ZNF727: variants seen among roughly 807,000 people sequenced by gnomAD.
ZNF727 encodes the protein putative zinc finger protein 727.
In ZNF727, 11 loss-of-function variants were observed where a neutral mutation model predicts 11.5. The observed-to-expected ratio is 0.95, with a 90% CI of 0.60 to 1.58. The LOEUF is 1.58. Ranked by LOEUF, ZNF727 falls within the 40% of genes most tolerant of loss-of-function variation. ZNF727 has a pLI of 0.00. For missense variants in ZNF727, 533 were observed against 581.7 expected, an observed-to-expected ratio of 0.92 and a Z score of 0.86; for synonymous variants, 171 against 196.1, an observed-to-expected ratio of 0.87 and a Z score of 1.07.
At chr7:64,059,314 T>TA (rs1318349783) in intron 1 of ZNF727, among the ~76,000 whole-genome samples, 3 of 151,942 alleles carry the variant, frequency 2.0e-5, no homozygotes, top group African/African-American at 4.8e-5. Flanking sequence ...AAACCAGTTG[T>TA]AAAAAAAAGG....
At position 64,082,297 on chromosome 7, in the gene ZNF727, A is replaced by G. The variant is rs1379848547; in HGVS notation, c.*3748A>G. ...AACTTGCCCAGTGAGAATATATGAG[A>G]ACAGGCACTCACGTAACAGTCTGGC... On this transcript the variant is annotated 3_prime_UTR_variant, in exon 4 of 4. Transcript: ENST00000456806. Among the ~76,000 whole-genome samples the G allele has an allele frequency of 6.6e-6, 1 of 152,170 alleles. No homozygotes were observed. Among genetic ancestry groups the G allele is most frequent in the Non-Finnish European group, 1.5e-5 (1 of 68,034 alleles).
Position 64,069,522 on chromosome 7 carries a change from A to G in ZNF727, c.139A>G (p.Ile47Val), listed in dbSNP as rs757359675. The change falls in exon 3 of 4, where the codon ATC (isoleucine) becomes GTC (valine). Residue 47 changes from isoleucine to valine, a missense_variant. Ile to Val is a conservative substitution (Grantham distance 29, BLOSUM62 3). Coordinates refer to ENST00000456806, the MANE Select transcript of ZNF727 (RefSeq NM_001159522.3). Reference protein sequence around the residue: ...YGNLFSLGLAIFKPDLITYLE... With the variant: ...YGNLFSLGLAVFKPDLITYLE... ...TTTTTCTAATAAAACAGGTCTTGCT[A>G]TCTTTAAGCCAGACTTGATTACCTA... is the stretch of plus-strand genomic sequence containing the variant. 3.2e-6 allele frequency: 5 copies of G among 1,555,332 alleles called. No individual in the cohort carries two copies. Among genetic ancestry groups the G allele is most frequent in the East Asian group, 2.4e-5 (1 of 41,596 alleles).
At chr7:64,072,657 T>C (rs1789980425) in intron 3 of ZNF727, among the ~76,000 whole-genome samples, 1 of 152,114 alleles carries the variant, frequency 6.6e-6, no homozygotes, top group Admixed American at 6.6e-5. Context: ...GAACCACTCC[T>C]TGACTATGGC....
intron 1 of ZNF727, among the ~76,000 whole-genome samples, chr7:64,047,027 C>T (rs192418186): frequency 2.0e-5 from 3 of 151,318 alleles, no homozygotes; most frequent in East Asian, 1.9e-4. Flanking sequence ...ATTCTTTCGA[C>T]GTAGTTAGGT....
chr7:64,069,770 T>C (rs1330036112), intron 3 of ZNF727, among the ~76,000 whole-genome samples, 161 bp downstream of exon 3: 1 of 152,116 alleles, frequency 6.6e-6, no homozygotes, highest in Admixed American at 6.6e-5. Flanking sequence ...GAATTTTTTG[T>C]CCCATTCTTG....
chr7:64,073,908 C>T (rs1470690673), intron 3 of ZNF727, among the ~76,000 whole-genome samples: 1 of 152,162 alleles, frequency 6.6e-6, no homozygotes, highest in African/African-American at 2.4e-5. Context: ...CTCATTACTC[C>T]ATCATTTTCA....
intron 1 of ZNF727, among the ~76,000 whole-genome samples, chr7:64,046,850 A>G (rs777681444): frequency 1.9e-4 from 29 of 152,226 alleles, no homozygotes; most frequent in Non-Finnish European, 1.3e-4. Flanking sequence ...GGTATGAGGA[A>G]GCAAACCAGA....
chr7:64,071,694 G>A (rs947873043), intron 3 of ZNF727, among the ~76,000 whole-genome samples: 2 of 152,004 alleles, frequency 1.3e-5, no homozygotes, highest in African/African-American at 4.8e-5. Flanking sequence ...TTTAAACTAT[G>A]TTTTCTTTTA....
chr7:64,056,293 G>A (rs1337250334), intron 1 of ZNF727, among the ~76,000 whole-genome samples: 5 of 152,042 alleles, frequency 3.3e-5, no homozygotes, highest in Middle Eastern at 3.4e-3. Context: ...GGCTATGTAC[G>A]ATATGCCAGG....
intron 1 of ZNF727, among the ~76,000 whole-genome samples, chr7:64,065,789 A>T (rs1329758980): frequency 6.6e-6 from 1 of 152,116 alleles, no homozygotes; most frequent in Non-Finnish European, 1.5e-5. Context: ...TCTGAGAAAT[A>T]CTTCTTTCTT....
Position 64,062,469 on chromosome 7 carries a change from A to G in ZNF727, c.4-6422A>G, listed in dbSNP as rs186448233. ...TAGGATAAAAGTTTTTTCCTTCAGT[A>G]CATTAAGTATGTCATGTCACCATCT... On this transcript the variant is annotated intron_variant, in intron 1 of 3. Transcript: ENST00000456806. 3.1e-3 allele frequency among the ~76,000 whole-genome samples: 474 copies of G among 151,714 alleles called. 5 individuals carry two copies. Among genetic ancestry groups the G allele is most frequent in the African/African-American group, 0.011 (460 of 41,432 alleles).
chr7:64,061,758 T>A (rs1789774128), intron 1 of ZNF727, among the ~76,000 whole-genome samples: 1 of 152,006 alleles, frequency 6.6e-6, no homozygotes, highest in South Asian at 2.1e-4. Flanking sequence ...TCTCTCTTTT[T>A]CTCTCCTTTT....
chr7:64,052,674 C>G (rs2116273751), intron 1 of ZNF727, among the ~76,000 whole-genome samples: 1 of 152,318 alleles, frequency 6.6e-6, no homozygotes, highest in African/African-American at 2.4e-5. Flanking sequence ...CACCGTGCAC[C>G]TGGAAAAGCT....
intron 3 of ZNF727, among the ~76,000 whole-genome samples, chr7:64,076,726 A>T (rs1253608629): frequency 6.6e-6 from 1 of 152,196 alleles, no homozygotes; most frequent in African/African-American, 2.4e-5. Context: ...ATTCTGTTCC[A>T]GTTTCTATTT....
chr7:64,059,734 TG>T (rs1342351283), intron 1 of ZNF727, among the ~76,000 whole-genome samples: 2 of 152,248 alleles, frequency 1.3e-5, no homozygotes, highest in African/African-American at 2.4e-5. Context: ...TAGACTTGGC[TG>T]TTATAAGGGC....
chr7:64,055,529 T>TA (rs1474581146), intron 1 of ZNF727, among the ~76,000 whole-genome samples: 1 of 152,242 alleles, frequency 6.6e-6, no homozygotes, highest in African/African-American at 2.4e-5. Context: ...AAACTCTATG[T>TA]ATTTCCCATT....
chr7:64,045,726 C>T, intron 1 of ZNF727, 102 bp downstream of exon 1: 1 of 1,453,784 alleles, frequency 6.9e-7, no homozygotes, highest in Non-Finnish European at 9.4e-7. Context: ...AGCTCTGCAG[C>T]AGCTCCGAGT....
intron 1 of ZNF727, among the ~76,000 whole-genome samples, chr7:64,057,189 G>T (rs1789698068): frequency 6.6e-6 from 1 of 151,866 alleles, no homozygotes; most frequent in African/African-American, 2.4e-5. Context: ...ATTTCAATAG[G>T]TTCAGTGCTC....
chr7:64,052,031 G>C (rs1054487995), intron 1 of ZNF727, among the ~76,000 whole-genome samples: 5 of 152,192 alleles, frequency 3.3e-5, no homozygotes, highest in Non-Finnish European at 5.9e-5. Context: ...GTTTCTAAGG[G>C]ATGTTACCTA....
Sources: allele counts gnomAD v4.1 joint callset (sites outside exome capture counted in the v4.1 genomes callset), GRCh38; gene constraint gnomAD v4.1.1; transcripts MANE v1.5; gene names NCBI Gene and HGNC (gene_info 2026-07-23, HGNC 2026-07-21).